Variants in DNAH14 observed in about 807,000 individuals in gnomAD.
DNAH14 encodes the protein dynein axonemal heavy chain 14, also known as axonemal beta dynein heavy chain 14.
Under a neutral mutation model 520.9 loss-of-function variants are expected in DNAH14, and 478 were observed. The ratio of observed to expected loss-of-function variants is 0.92; its 90% CI spans 0.85 to 0.99. DNAH14 has a LOEUF of 0.99. Ranked by LOEUF, DNAH14 falls within the 50% of genes least tolerant of loss-of-function variation. DNAH14 has a pLI of 0.00. For missense variants in DNAH14, 4,831 were observed against 5,234.5 expected, an observed-to-expected ratio of 0.92 and a Z score of 2.38; for synonymous variants, 1,581 against 1,757.2, an observed-to-expected ratio of 0.90 and a Z score of 2.51.
At chr1:225,194,762 G>A (rs928771613) in intron 38 of DNAH14, among the ~76,000 whole-genome samples, 5 of 151,580 alleles carry the variant, frequency 3.3e-5, no homozygotes, top group South Asian at 2.1e-4. Flanking sequence ...TTTGCAAACT[G>A]TGTATCCGAT....
At position 225,335,794 on chromosome 1, in the gene DNAH14, T is replaced by TA. The variant is rs1361407410; in HGVS notation, c.10081-1472_10081-1471insA. On this transcript the variant is annotated intron_variant, in intron 66 of 85. Transcript: ENST00000682510. ...ATATGTGCATATATTCATAAGTACATCTATGTATATGTACATATATGTACA... is the reference window on the plus strand; with the variant it reads ...ATATGTGCATATATTCATAAGTACATACTATGTATATGTACATATATGTACA... 2.6e-5 allele frequency among the ~76,000 whole-genome samples: 3 copies of TA among 115,036 alleles called. 1 individual carries two copies. The highest frequency in any genetic ancestry group is 5.3e-5 in the Non-Finnish European group (3 of 56,090). The allele number at this position is 115,036 out of a possible 152,430, so 75.5% of individuals were successfully genotyped here. A position where few individuals can be genotyped will look rare whatever the true frequency, so the allele number is the denominator to read the frequency against.
At chr1:225,143,984 T>C (rs371108295) in intron 28 of DNAH14, among the ~76,000 whole-genome samples, 14 of 152,200 alleles carry the variant, frequency 9.2e-5, no homozygotes, top group African/African-American at 3.1e-4. Context: ...TTTTGATACA[T>C]AGAACAAATA....
At chr1:225,246,971 G>A (rs1030261552) in intron 43 of DNAH14, among the ~76,000 whole-genome samples, 1 of 152,182 alleles carries the variant, frequency 6.6e-6, no homozygotes, top group African/African-American at 2.4e-5. Flanking sequence ...GACTTGGAAT[G>A]AACCCAAATG....
intron 55 of DNAH14, among the ~76,000 whole-genome samples, chr1:225,300,525 C>T (rs2094118682): frequency 1.3e-5 from 2 of 151,990 alleles, no homozygotes; most frequent in African/African-American, 4.8e-5. Context: ...ATAGAGAGGC[C>T]CAGTCACTAC....
intron 17 of DNAH14, among the ~76,000 whole-genome samples, chr1:225,061,068 A>C (rs1363115681): frequency 5.9e-5 from 9 of 152,142 alleles, no homozygotes; most frequent in Admixed American, 5.9e-4. Context: ...AAGTCTGCAG[A>C]GGATTCTGCT....
At chr1:225,064,765 G>A (rs2148445534) in intron 17 of DNAH14, among the ~76,000 whole-genome samples, 1 of 152,082 alleles carries the variant, frequency 6.6e-6, no homozygotes, top group Admixed American at 6.6e-5. Context: ...TGAAGCCAGG[G>A]TTGGGAGGAG....
intron 1 of DNAH14, among the ~76,000 whole-genome samples, chr1:224,952,102 C>A (rs1054657277): frequency 6.6e-6 from 1 of 152,164 alleles, no homozygotes. Context: ...AGTACACGGC[C>A]ATGTAGCACA....
At chr1:225,118,159 C>G (rs1022898075) in intron 25 of DNAH14, 160 bp downstream of exon 25, 2 of 695,986 alleles carry the variant, frequency 2.9e-6, no homozygotes, top group Non-Finnish European at 5.2e-6. Context: ...ATATTCCCTA[C>G]AATACATAAT....
chr1:225,043,999 G>A lies in DNAH14; in HGVS notation c.1912+16G>A. On this transcript the variant is annotated intron_variant, in intron 15 of 85. Transcript: ENST00000682510. ...AAATGTATAAGTAAGTGTTTTTAAA[G>A]CTTAGTGAAATGCATTGTCTTCTTT... 2.1e-6 allele frequency: 3 copies of A among 1,404,568 alleles called. No individual in the cohort carries two copies. The highest frequency in any genetic ancestry group is 9.7e-7 in the Non-Finnish European group (1 of 1,035,700). The allele number at this position is 1,404,568 out of a possible 1,614,324, so 87.0% of individuals were successfully genotyped here.
Position 225,351,890 on chromosome 1 carries a change from A to C in DNAH14, c.11533+7A>C, listed in dbSNP as rs1259812919. On this transcript the variant is annotated splice_region_variant and intron_variant, in intron 72 of 85. Transcript: ENST00000682510. The stretch of plus-strand genomic sequence containing the variant: ...ACAAAACCACCAGAGGAAAGTAAGA[A>C]AGCATTCAGTGTTTTAACCTAACTT... 9 of 1,547,538 alleles carry C rather than the reference A, an allele frequency of 5.8e-6. No individual in the cohort carries two copies. In the South Asian group the frequency reaches 8.3e-5, roughly 14 times the overall value.
chr1:225,392,175 TTC>T (rs1286844876), intron 83 of DNAH14, 114 bp from the exon 84 acceptor site: 5 of 1,276,054 alleles, frequency 3.9e-6, no homozygotes, highest in East Asian at 5.1e-5. Flanking sequence ...ATCTCTTTTG[TTC>T]TCTCTTTTTC....
chr1:225,295,081 T>C (rs1247455230), intron 55 of DNAH14, among the ~76,000 whole-genome samples: 1 of 152,132 alleles, frequency 6.6e-6, no homozygotes, highest in Non-Finnish European at 1.5e-5. Context: ...TAATCCTGGG[T>C]ATTTCTATGG....
intron 66 of DNAH14, among the ~76,000 whole-genome samples, chr1:225,336,079 A>ATG (rs1558442411): frequency 1.4e-5 from 2 of 144,908 alleles, no homozygotes; most frequent in African/African-American, 5.3e-5. Flanking sequence ...ACATACTTAT[A>ATG]TATACATATA....
At chr1:225,045,114 G>A (rs1468034065) in intron 15 of DNAH14, among the ~76,000 whole-genome samples, 1 of 152,052 alleles carries the variant, frequency 6.6e-6, no homozygotes, top group Non-Finnish European at 1.5e-5. Context: ...AAAATCCAGT[G>A]AGGCTCTTCA....
At chr1:225,002,489 A>C (rs1388833758) in intron 8 of DNAH14, among the ~76,000 whole-genome samples, 1 of 152,108 alleles carries the variant, frequency 6.6e-6, no homozygotes, top group Non-Finnish European at 1.5e-5. Flanking sequence ...TTCATTTTAC[A>C]TAATACTTCC....
intron 1 of DNAH14, among the ~76,000 whole-genome samples, chr1:224,948,308 T>C (rs2059970868): frequency 6.6e-6 from 1 of 151,902 alleles, no homozygotes; most frequent in African/African-American, 2.4e-5. Flanking sequence ...AAAATGAAAA[T>C]TTAGTCACTA....
At chr1:225,021,827 C>A (rs77066564) in intron 10 of DNAH14, among the ~76,000 whole-genome samples, 8,779 of 151,966 alleles carry the variant, frequency 0.058, 348 homozygotes, top group Non-Finnish European at 0.078. Context: ...ATTGCCAAAG[C>A]AATCCAAAGC....
chr1:225,059,932 C>T lies in DNAH14; in HGVS notation c.2424+8137C>T, dbSNP rs943972812. On this transcript the variant is annotated intron_variant, in intron 17 of 85. Transcript: ENST00000682510. ...GATGGGCTTCCCTTTGTGGGTAACC[C>T]GACCTTTCTCTCTGGCTGCCCTTAA... 3.9e-5 allele frequency among the ~76,000 whole-genome samples: 6 copies of T among 152,108 alleles called. No individual in the cohort carries two copies. In the East Asian group the frequency reaches 5.8e-4, roughly 15 times the overall value.
chr1:224,932,418 C>T (rs901714218), intron 1 of DNAH14, among the ~76,000 whole-genome samples: 1 of 151,974 alleles, frequency 6.6e-6, no homozygotes, highest in African/African-American at 2.4e-5. Flanking sequence ...TTTTTTCACT[C>T]TGTTGATTAT....
Sources: allele counts gnomAD v4.1 joint callset (sites outside exome capture counted in the v4.1 genomes callset), GRCh38; gene constraint gnomAD v4.1.1; transcripts MANE v1.5; gene names NCBI Gene and HGNC (gene_info 2026-07-23, HGNC 2026-07-21).